The following PTPRT variants were observed in gnomAD, a reference collection of about 807,000 sequenced individuals.
The protein encoded by PTPRT is protein tyrosine phosphatase receptor type T.
In PTPRT, 56 loss-of-function variants were observed where a neutral mutation model predicts 176.8. The observed-to-expected ratio is 0.32, with a 90% CI of 0.26 to 0.40. The LOEUF (loss-of-function observed/expected upper bound fraction) is 0.40. Among genes scored for constraint, PTPRT ranks in the 10% least tolerant of loss-of-function variants. The pLI is 1.00. For missense variants in PTPRT, 1,540 were observed against 1,908.2 expected (o/e 0.81, Z 3.60); for synonymous variants, 783 against 739.0 (o/e 1.06, Z -0.96).
intron 4 of PTPRT, among the ~76,000 whole-genome samples, chr20:42,779,484 T>C (rs904422521): frequency 2.6e-5 from 4 of 152,208 alleles, no homozygotes; most frequent in African/African-American, 4.8e-5. Context: ...ATAATCTCCA[T>C]GCAAATCAGT....
chr20:42,821,814 G>T (rs979357316), intron 2 of PTPRT, among the ~76,000 whole-genome samples: 1 of 152,100 alleles, frequency 6.6e-6, no homozygotes. Context: ...ATTCACAATT[G>T]CTACAAAGAT....
rs116233976 is a variant in PTPRT at position 43,127,291 on chromosome 20, T to C, written c.88+62355A>G. 6.2e-3 allele frequency among the ~76,000 whole-genome samples: 944 copies of C among 151,634 alleles called. 13 individuals are homozygous for C. The highest frequency in any genetic ancestry group is 0.021 in the African/African-American group (887 of 41,362). On this transcript the variant is annotated intron_variant, in intron 1 of 30. Coordinates refer to ENST00000373187, the MANE Select transcript of PTPRT (RefSeq NM_007050.6). ...ACAAAAAATTAGCCGGGCGTGGTGG[T>C]GGGCACCTGTAGTCCCAGCTACTCG...
At chr20:42,293,020 G>A (rs1364648888) in intron 12 of PTPRT, among the ~76,000 whole-genome samples, 1 of 152,122 alleles carries the variant, frequency 6.6e-6, no homozygotes, top group Non-Finnish European at 1.5e-5. Flanking sequence ...GTGGCTATTG[G>A]TTACAGACAC....
At chr20:42,388,034 C>T (rs1044054572) in intron 9 of PTPRT, among the ~76,000 whole-genome samples, 1 of 152,154 alleles carries the variant, frequency 6.6e-6, no homozygotes, top group African/African-American at 2.4e-5. Flanking sequence ...TCGTGATCCC[C>T]CACCTTGGCC....
intron 2 of PTPRT, among the ~76,000 whole-genome samples, chr20:42,838,986 C>T (rs1474247194): frequency 6.6e-6 from 1 of 152,072 alleles, no homozygotes; most frequent in African/African-American, 2.4e-5. Flanking sequence ...ACTCATGTAT[C>T]TCCTATCACT....
At chr20:42,818,994 G>A (rs2077841555) in intron 2 of PTPRT, among the ~76,000 whole-genome samples, 1 of 152,148 alleles carries the variant, frequency 6.6e-6, no homozygotes, top group Admixed American at 6.5e-5. Flanking sequence ...TATTATCCAG[G>A]AGAACTGCCC....
intron 11 of PTPRT, among the ~76,000 whole-genome samples, chr20:42,332,066 C>T (rs1051885445): frequency 1.4e-4 from 21 of 152,000 alleles, no homozygotes; most frequent in African/African-American, 4.4e-4. Context: ...AGAAGGTCCT[C>T]GATGAAGCAG....
chr20:43,009,540 C>T (rs1369478747), intron 1 of PTPRT, among the ~76,000 whole-genome samples: 1 of 152,138 alleles, frequency 6.6e-6, no homozygotes, highest in East Asian at 1.9e-4. Flanking sequence ...ACTATGCATT[C>T]TTCAAAGAGA....
chr20:42,587,213 C>CCCA (rs1215808224), intron 7 of PTPRT, among the ~76,000 whole-genome samples: 11 of 152,182 alleles, frequency 7.2e-5, no homozygotes, highest in Non-Finnish European at 1.2e-4. Flanking sequence ...AACTCTAGCC[C>CCCA]ATACTGCAAC....
intron 1 of PTPRT, among the ~76,000 whole-genome samples, chr20:43,119,856 T>C (rs1477858007): frequency 1.3e-5 from 2 of 152,178 alleles, no homozygotes; most frequent in East Asian, 1.9e-4. Context: ...TAAATAGCAA[T>C]GTCAGGAAAT....
chr20:42,308,704 C>T lies in PTPRT; in HGVS notation c.2139+7019G>A, dbSNP rs116656343. On this transcript the variant is annotated intron_variant, in intron 12 of 30. Coordinates refer to ENST00000373187, the MANE Select transcript of PTPRT (RefSeq NM_007050.6). Reference sequence around the variant, plus strand: ...AAGTAAACTGTTCAAGTTCACATAGCTGAGAGCAGCCAAAATTCAAAGCCA... The same window carrying T: ...AAGTAAACTGTTCAAGTTCACATAGTTGAGAGCAGCCAAAATTCAAAGCCA... 5.0e-3 allele frequency among the ~76,000 whole-genome samples: 760 copies of T among 152,306 alleles called. 3 individuals are homozygous for T. Among genetic ancestry groups the T allele is most frequent in the African/African-American group, 0.017 (725 of 41,544 alleles).
At chr20:42,519,615 C>T (rs2072133073) in intron 7 of PTPRT, among the ~76,000 whole-genome samples, 1 of 151,938 alleles carries the variant, frequency 6.6e-6, no homozygotes, top group African/African-American at 2.4e-5. Flanking sequence ...TTCTGTCTTT[C>T]CAGATAGACA....
intron 2 of PTPRT, among the ~76,000 whole-genome samples, chr20:42,810,668 C>T (rs947844683): frequency 6.6e-6 from 1 of 152,224 alleles, no homozygotes; most frequent in African/African-American, 2.4e-5. Context: ...TTTCCAGATT[C>T]CTGTGGATTT....
chr20:42,302,353 T>C (rs914282326), intron 12 of PTPRT, among the ~76,000 whole-genome samples: 5 of 152,302 alleles, frequency 3.3e-5, no homozygotes, highest in Admixed American at 1.3e-4. Flanking sequence ...CTTCATTCCA[T>C]ATCCCGGAAC....
chr20:42,887,314 G>A (rs898625904), intron 1 of PTPRT, among the ~76,000 whole-genome samples: 13 of 152,086 alleles, frequency 8.5e-5, no homozygotes, highest in Admixed American at 5.9e-4. Flanking sequence ...GAGCTATCTC[G>A]CCCCTTCCAC....
Position 42,564,763 on chromosome 20 carries a change from T to A in PTPRT, c.1154-92201A>T, listed in dbSNP as rs372104282. 2.2e-3 allele frequency among the ~76,000 whole-genome samples: 328 copies of A among 152,092 alleles called. 2 individuals carry two copies. Among genetic ancestry groups the A allele is most frequent in the Non-Finnish European group, 2.6e-3 (178 of 67,992 alleles). On this transcript the variant is annotated intron_variant, in intron 7 of 30. Coordinates refer to ENST00000373187, the MANE Select transcript of PTPRT (RefSeq NM_007050.6). ...CTCAGAACTTAAAGCAAAATAAAAA[T>A]AATAATAATACAAATAAAGAAATAC...
intron 1 of PTPRT, among the ~76,000 whole-genome samples, chr20:43,024,322 T>C (rs1985825432): frequency 6.6e-6 from 1 of 152,020 alleles, no homozygotes; most frequent in African/African-American, 2.4e-5. Context: ...TCAGTGTTAC[T>C]ACTAATGCAA....
chr20:43,137,114 C>T (rs985680731), intron 1 of PTPRT, among the ~76,000 whole-genome samples: 1 of 152,192 alleles, frequency 6.6e-6, no homozygotes, highest in African/African-American at 2.4e-5. Flanking sequence ...ACTCCAAATC[C>T]TTCCTAACCA....
intron 1 of PTPRT, among the ~76,000 whole-genome samples, chr20:43,094,394 T>TTC (rs1337936481): frequency 7.4e-6 from 1 of 134,492 alleles, no homozygotes; most frequent in Non-Finnish European, 1.6e-5. Flanking sequence ...CCTCTTTCTT[T>TTC]TTTTTTTTTT....
Sources: allele counts gnomAD v4.1 joint callset (sites outside exome capture counted in the v4.1 genomes callset), GRCh38; gene constraint gnomAD v4.1.1; transcripts MANE v1.5; gene names NCBI Gene and HGNC (gene_info 2026-07-23, HGNC 2026-07-21).